The following PPP1R21 variants were observed in gnomAD, a reference collection of about 807,000 sequenced individuals.
The protein encoded by PPP1R21 is KLRAQ motif containing 1.
A neutral mutation model predicts 112.8 loss-of-function variants in PPP1R21; 85 were observed. The observed-to-expected ratio is 0.75, with a 90% confidence interval of 0.63 to 0.90. The LOEUF is 0.90. Ranked by LOEUF, PPP1R21 falls within the 40% of genes least tolerant of loss-of-function variation. The pLI is 0.00. For missense variants in PPP1R21, 1,199 were observed against 901.5 expected, an observed-to-expected ratio of 1.33 and a Z score of -4.23; for synonymous variants, 381 against 322.3, an observed-to-expected ratio of 1.18 and a Z score of -1.95.
chr2:48,466,653 G>C (rs932201936), intron 9 of PPP1R21, among the ~76,000 whole-genome samples: 1 of 152,168 alleles, frequency 6.6e-6, no homozygotes, highest in African/African-American at 2.4e-5. Flanking sequence ...TTGGGGATTT[G>C]AATGGGTCTT....
chr2:48,485,857 ATATATTAACT>A, intron 13 of PPP1R21, among the ~76,000 whole-genome samples: 2 of 139,644 alleles, frequency 1.4e-5, no homozygotes, highest in Non-Finnish European at 3.1e-5. Flanking sequence ...ATATAGTTGT[ATATATTAACT>A]AATATATACA....
At position 48,474,872 on chromosome 2, in the gene PPP1R21, A is replaced by G. The variant is rs184135915; in HGVS notation, c.1225+53A>G. 4 of 1,518,604 alleles carry G rather than the reference A, an allele frequency of 2.6e-6. No homozygotes were observed. The African/African-American group carries it at 5.6e-5, about 21-fold the overall frequency. The allele number at this position is 1,518,604 out of a possible 1,614,324, so 94.1% of individuals were successfully genotyped here. A position where few individuals can be genotyped will look rare whatever the true frequency, so the allele number is the denominator to read the frequency against. ...ACTTCAAGGACTTAAGAGTACAAGA[A>G]GCTGGAAAAGGGAGATGGTTTAGCT... is the stretch of plus-strand genomic sequence containing the variant. On this transcript the variant is annotated intron_variant, in intron 12 of 21. Transcript: ENST00000294952.
At chr2:48,463,376 C>T (rs192942544) in intron 7 of PPP1R21, among the ~76,000 whole-genome samples, 468 of 152,162 alleles carry the variant, frequency 3.1e-3, no homozygotes, top group South Asian at 0.011. Flanking sequence ...TGTATCAAGG[C>T]GACTGGGTTT....
At chr2:48,508,059 C>T (rs904249671) in intron 19 of PPP1R21, among the ~76,000 whole-genome samples, 1 of 151,378 alleles carries the variant, frequency 6.6e-6, no homozygotes, top group African/African-American at 2.4e-5. Flanking sequence ...GCTACCACCC[C>T]CAGCCACAAC....
At chr2:48,496,837 A>C (rs1213482447) in intron 16 of PPP1R21, among the ~76,000 whole-genome samples, 1 of 152,216 alleles carries the variant, frequency 6.6e-6, no homozygotes, top group Non-Finnish European at 1.5e-5. Flanking sequence ...TGCAGTCTCC[A>C]TGAAAAGCCC....
chr2:48,462,676 C>T (rs906593094), intron 7 of PPP1R21, among the ~76,000 whole-genome samples: 7 of 152,092 alleles, frequency 4.6e-5, no homozygotes, highest in Non-Finnish European at 8.8e-5. Flanking sequence ...TGGGACTGGA[C>T]CCTAGTGTTC....
At chr2:48,496,359 G>T (rs1220662320) in intron 16 of PPP1R21, among the ~76,000 whole-genome samples, 4 of 152,090 alleles carry the variant, frequency 2.6e-5, no homozygotes, top group African/African-American at 7.2e-5. Flanking sequence ...TGACTTTACA[G>T]CATTATAGGG....
At chr2:48,461,704 C>T (rs1460580751) in intron 7 of PPP1R21, among the ~76,000 whole-genome samples, 1 of 152,044 alleles carries the variant, frequency 6.6e-6, no homozygotes, top group African/African-American at 2.4e-5. Context: ...TTTACATTCC[C>T]AGGAACAACA....
chr2:48,471,468 G>A, intron 11 of PPP1R21, 101 bp downstream of exon 11: 2 of 1,173,974 alleles, frequency 1.7e-6, no homozygotes, highest in Non-Finnish European at 2.4e-6. Context: ...TGATCTGCCT[G>A]ACTTTTCTGC....
At chr2:48,467,616 G>T (rs1668262166) in intron 9 of PPP1R21, among the ~76,000 whole-genome samples, 2 of 152,204 alleles carry the variant, frequency 1.3e-5, no homozygotes, top group Admixed American at 6.5e-5. Context: ...GGCTCTTTGA[G>T]TGTCCTCATA....
At chr2:48,456,484 C>G (rs564891743) in intron 3 of PPP1R21, among the ~76,000 whole-genome samples, 1 of 152,042 alleles carries the variant, frequency 6.6e-6, no homozygotes, top group African/African-American at 2.4e-5. Flanking sequence ...CTGTGACTTT[C>G]GGCACAATTT....
In PPP1R21 at chr2:48,459,841, C is replaced by T. The variant is rs557336595; in HGVS notation, c.463C>T (p.Gln155Ter). 5.6e-6 allele frequency: 9 copies of T among 1,614,140 alleles called. No individual in the cohort carries two copies. In the African/African-American group the frequency reaches 1.2e-4, roughly 22 times the overall value. ...ATLETEAAQH[Q>*]AVVDGLTRKY... is the part of the protein sequence containing the mutation. ...TCTGGAGACAGAAGCAGCCCAGCAC[C>T]AAGCTGTGGTTGACGGTCTCACCCG... Residue 155 changes from glutamine (Q) to a stop codon, truncating the protein, a stop_gained, in exon 5 of 22, where the codon CAA becomes TAA. Coordinates refer to ENST00000294952, the MANE Select transcript of PPP1R21 (RefSeq NM_001135629.3). LOFTEE classifies it high-confidence loss of function.
chr2:48,483,169 C>G (rs918395149), intron 13 of PPP1R21, among the ~76,000 whole-genome samples: 1 of 129,936 alleles, frequency 7.7e-6, no homozygotes, highest in Non-Finnish European at 1.7e-5. Context: ...ACTACATTTT[C>G]TATAAAATAA....
intron 2 of PPP1R21, among the ~76,000 whole-genome samples, chr2:48,452,578 A>G (rs1245262384): frequency 6.6e-6 from 1 of 151,436 alleles, no homozygotes; most frequent in East Asian, 1.9e-4. Context: ...ACTGTTTATT[A>G]CAGTAGTCAT....
At chr2:48,442,994 G>T (rs1185071963) in intron 1 of PPP1R21, among the ~76,000 whole-genome samples, 2 of 152,152 alleles carry the variant, frequency 1.3e-5, no homozygotes, top group African/African-American at 4.8e-5. Flanking sequence ...AAAGCAGGGA[G>T]TAGACTGTTG....
chr2:48,460,610 T>A (rs1331538062), intron 6 of PPP1R21, among the ~76,000 whole-genome samples: 2 of 152,242 alleles, frequency 1.3e-5, no homozygotes, highest in Admixed American at 1.3e-4. Context: ...ATTTATTTGA[T>A]AATATTTTAG....
intron 19 of PPP1R21, 109 bp downstream of exon 19, chr2:48,507,494 A>T (rs1271770244): frequency 7.4e-6 from 11 of 1,484,870 alleles, no homozygotes; most frequent in African/African-American, 1.5e-5. Context: ...CAGTGTCCCA[A>T]GTAGCTGGGA....
chr2:48,511,783 A>G (rs1670655744), intron 21 of PPP1R21, among the ~76,000 whole-genome samples: 1 of 151,892 alleles, frequency 6.6e-6, no homozygotes, highest in South Asian at 2.1e-4. Flanking sequence ...AGGTGGGAAG[A>G]TTGCTTGAAC....
At chr2:48,496,079 AG>A (rs1272148027) in intron 16 of PPP1R21, among the ~76,000 whole-genome samples, 1 of 152,204 alleles carries the variant, frequency 6.6e-6, no homozygotes, top group Admixed American at 6.5e-5. Context: ...AAAGTATAAG[AG>A]GGGGCAAGAG....
Sources: gnomAD v4.1 joint callset for allele counts (sites outside exome capture counted in the v4.1 genomes callset) on GRCh38, gnomAD v4.1.1 for gene constraint, MANE v1.5 for transcripts, NCBI Gene and HGNC (gene_info 2026-07-23, HGNC 2026-07-21) for gene names.